The following STK33 variants were observed in gnomAD, a reference collection of about 807,000 sequenced individuals.
STK33 encodes the protein serine/threonine-protein kinase 33.
In STK33, 52 loss-of-function variants were observed where a neutral mutation model predicts 58.0. That is an observed-to-expected ratio of 0.90 (90% CI 0.72 to 1.13). The LOEUF is 1.13. Ranked by LOEUF, STK33 falls within the 50% of genes most tolerant of loss-of-function variation. The probability of loss-of-function intolerance (pLI) is 0.00; values close to 1 mark genes in which losing one functional copy is unlikely to be tolerated. For synonymous variants in STK33, 215 were observed against 200.1 expected (o/e 1.07, Z -0.63); for missense variants, 630 against 604.2 (o/e 1.04, Z -0.45).
At chr11:8,457,816 G>C (rs777771879) in intron 8 of STK33, among the ~76,000 whole-genome samples, 1 of 152,210 alleles carries the variant, frequency 6.6e-6, no homozygotes, top group African/African-American at 2.4e-5. Flanking sequence ...TGTCTGAATA[G>C]GGATTTATAG....
the STK33 span, among the ~76,000 whole-genome samples, chr11:8,351,448 AC>A: frequency 1.7e-4 from 26 of 152,270 alleles, no homozygotes; most frequent in Non-Finnish European, 1.5e-5. Context: ...CATGAGGGCC[AC>A]AGGGGACCCC....
At chr11:8,376,622 A>T in the STK33 span, among the ~76,000 whole-genome samples, 1 of 151,862 alleles carries the variant, frequency 6.6e-6, no homozygotes, top group African/African-American at 2.4e-5. Flanking sequence ...GCTCACTGCA[A>T]CTTCTGCCTC....
intron 1 of STK33, among the ~76,000 whole-genome samples, chr11:8,492,779 C>G (rs1351370399): frequency 6.6e-6 from 1 of 152,164 alleles, no homozygotes; most frequent in African/African-American, 2.4e-5. Context: ...AATTAGAACT[C>G]AGGATTAAGA....
chr11:8,543,092 T>A (rs1955648787), intron 1 of STK33, among the ~76,000 whole-genome samples: 1 of 152,194 alleles, frequency 6.6e-6, no homozygotes, highest in African/African-American at 2.4e-5. Flanking sequence ...TCTCCAAATA[T>A]GTATCTACTC....
At chr11:8,553,170 A>ATATATATATATATATATATATATATGGTG (rs1956431144) in intron 1 of STK33, among the ~76,000 whole-genome samples, 2 of 9,102 alleles carry the variant, frequency 2.2e-4, no homozygotes, top group African/African-American at 9.5e-4. Flanking sequence ...AAAATAAAAT[A>ATATATATATATATATATATATATATGGTG]TATATATATA....
the STK33 span, among the ~76,000 whole-genome samples, chr11:8,369,295 CTGTGTGTGTGTGTGTGTG>C: frequency 7.3e-6 from 1 of 137,662 alleles, no homozygotes; most frequent in Admixed American, 7.3e-5. Context: ...GGTTTTTACT[CTGTGTGTGTGTGTGTGTG>C]TGTGTGTGTG....
chr11:8,354,031 C>A, the STK33 span, among the ~76,000 whole-genome samples: 1 of 152,192 alleles, frequency 6.6e-6, no homozygotes. Flanking sequence ...TCAGTTTCCC[C>A]TTCTGCAGAC....
chr11:8,470,040 C>T (rs1948622970), intron 6 of STK33, among the ~76,000 whole-genome samples: 1 of 152,232 alleles, frequency 6.6e-6, no homozygotes, highest in South Asian at 2.1e-4. Flanking sequence ...GTGGCTTCAA[C>T]TTAAAGTCAC....
the STK33 span, among the ~76,000 whole-genome samples, chr11:8,365,315 G>T: frequency 2.0e-5 from 3 of 152,038 alleles, no homozygotes; most frequent in African/African-American, 7.3e-5. Context: ...CTCATGAGGG[G>T]GCTAGGAAGC....
At chr11:8,455,799 A>T (rs1303459456) in intron 9 of STK33, among the ~76,000 whole-genome samples, 3 of 129,212 alleles carry the variant, frequency 2.3e-5, no homozygotes, top group Non-Finnish European at 3.2e-5. Flanking sequence ...TAACAGAGAG[A>T]GACTCTGTCT....
chr11:8,539,857 G>A (rs1180149145), intron 1 of STK33, among the ~76,000 whole-genome samples: 2 of 152,098 alleles, frequency 1.3e-5, no homozygotes, highest in Non-Finnish European at 2.9e-5. Flanking sequence ...AGCTTCTATA[G>A]ATAAATAAAT....
chr11:8,434,522 C>T (rs1467335959), intron 14 of STK33, among the ~76,000 whole-genome samples: 1 of 152,062 alleles, frequency 6.6e-6, no homozygotes, highest in Non-Finnish European at 1.5e-5. Flanking sequence ...GAAATTAGGT[C>T]CAGCTGCACA....
chr11:8,488,082 C>G (rs973193131), intron 1 of STK33, among the ~76,000 whole-genome samples: 7 of 152,072 alleles, frequency 4.6e-5, no homozygotes, highest in African/African-American at 1.7e-4. Context: ...TGTTCATTCC[C>G]AAGAACTGTC....
chr11:8,375,324 G>C, the STK33 span, among the ~76,000 whole-genome samples: 4 of 152,160 alleles, frequency 2.6e-5, no homozygotes, highest in African/African-American at 9.7e-5. Flanking sequence ...ATCCATATGG[G>C]TTGAAATGGG....
At chr11:8,522,006 AAAC>A (rs1332682298) in intron 1 of STK33, among the ~76,000 whole-genome samples, 2 of 152,088 alleles carry the variant, frequency 1.3e-5, no homozygotes, top group Non-Finnish European at 2.9e-5. Context: ...TGGAGAAAAA[AAAC>A]ACTTTTACAC....
chr11:8,362,465 C>A, the STK33 span, among the ~76,000 whole-genome samples: 1 of 152,034 alleles, frequency 6.6e-6, no homozygotes, highest in East Asian at 1.9e-4. Flanking sequence ...TGGGGCTGAT[C>A]GGGAAATATA....
At chr11:8,337,645 CGGG>C in the STK33 span, among the ~76,000 whole-genome samples, 8 of 87,768 alleles carry the variant, frequency 9.1e-5, no homozygotes, top group Admixed American at 5.1e-4. Context: ...CGGCGGGGGG[CGGG>C]GGGGGGGCCC....
intron 11 of STK33, among the ~76,000 whole-genome samples, chr11:8,441,720 A>G (rs1212716683): frequency 2.0e-5 from 3 of 152,156 alleles, no homozygotes; most frequent in Non-Finnish European, 4.4e-5. Context: ...CTCTATAGCT[A>G]TGAATCAGAT....
At chr11:8,444,968 A>C (rs1370288356) in intron 11 of STK33, among the ~76,000 whole-genome samples, 3 of 152,174 alleles carry the variant, frequency 2.0e-5, no homozygotes, top group Non-Finnish European at 2.9e-5. Context: ...GAAATCTATA[A>C]ATTACTTTGG....
Sources: gnomAD v4.1 joint callset for allele counts (sites outside exome capture counted in the v4.1 genomes callset) on GRCh38, gnomAD v4.1.1 for gene constraint, MANE v1.5 for transcripts, NCBI Gene and HGNC (gene_info 2026-07-23, HGNC 2026-07-21) for gene names.